Variants in NAV3 observed in about 807,000 individuals in gnomAD.
The protein encoded by NAV3 is neuron navigator 3, also known as pore membrane and/or filament interacting like protein 1.
NAV3 carries 87 observed loss-of-function variants against 244.7 expected under a neutral mutation model. That is an observed-to-expected ratio of 0.36 (90% CI 0.30 to 0.42). The LOEUF is 0.42. NAV3 is among the 20% of genes least tolerant of loss of function. The pLI is 1.00. For synonymous variants in NAV3, 1,126 were observed against 1,042.2 expected (o/e 1.08, Z -1.55); for missense variants, 2,663 against 2,893.3 (o/e 0.92, Z 1.83).
chr12:77,849,618 A>G (rs916819897), intron 1 of NAV3, among the ~76,000 whole-genome samples: 1 of 152,202 alleles, frequency 6.6e-6, no homozygotes, highest in African/African-American at 2.4e-5. Flanking sequence ...TTTCTTGTTT[A>G]GACTTAGTTT....
At chr12:78,107,989 T>A (rs74632676) in intron 12 of NAV3, among the ~76,000 whole-genome samples, 1 of 152,082 alleles carries the variant, frequency 6.6e-6, no homozygotes, top group South Asian at 2.1e-4. Context: ...TGTAAATGAA[T>A]TACATTCTCC....
In NAV3 at chr12:78,200,465, C is replaced by T. The variant is rs1959532508; in HGVS notation, c.6716-8C>T. 1.3e-6 allele frequency: 2 copies of T among 1,491,570 alleles called. No individual in the cohort carries two copies. The highest frequency in any genetic ancestry group is 1.3e-5 in the South Asian group (1 of 78,020). The allele number at this position is 1,491,570 out of a possible 1,614,324, so 92.4% of individuals were successfully genotyped here. A position where few individuals can be genotyped will look rare whatever the true frequency, so the allele number is the denominator to read the frequency against. On this transcript the variant is annotated splice_region_variant and splice_polypyrimidine_tract_variant and intron_variant, in intron 37 of 39. Coordinates refer to ENST00000397909, the MANE Select transcript of NAV3 (RefSeq NM_001024383.2). ...TCTTAAAATATTTTGTTATTTATTT[C>T]TTATCAGGTCCCCGACTATTCCTTC...
At chr12:78,130,927 G>C (rs1370562909) in intron 18 of NAV3, 1 of 178,194 alleles carries the variant, frequency 5.6e-6, no homozygotes, top group Non-Finnish European at 1.2e-5. Context: ...CAGCATCAGT[G>C]CCAAGGCAGC....
intron 35 of NAV3, among the ~76,000 whole-genome samples, chr12:78,198,115 A>G (rs569258448): frequency 1.3e-5 from 2 of 152,022 alleles, no homozygotes; most frequent in South Asian, 4.1e-4. Context: ...TAAAATAAAT[A>G]GTTTTAATAG....
chr12:78,199,236 G>A (rs747845220), intron 36 of NAV3, 99 bp from the exon 37 acceptor site: 10 of 980,654 alleles, frequency 1.0e-5, no homozygotes, highest in Admixed American at 2.3e-5. Flanking sequence ...ACTTTCTATT[G>A]GAAAGTAATA....
At chr12:77,798,088 G>C (rs935792020) in intron 2 of NAV3, among the ~76,000 whole-genome samples, 3 of 150,942 alleles carry the variant, frequency 2.0e-5, no homozygotes, top group Non-Finnish European at 4.4e-5. Context: ...CTTGAACCGG[G>C]GATGTGGAGG....
At chr12:77,602,875 AAAGACC>A (rs1870501630) in intron 2 of NAV3, among the ~76,000 whole-genome samples, 1 of 152,004 alleles carries the variant, frequency 6.6e-6, no homozygotes, top group Admixed American at 6.6e-5. Context: ...CATGGGAATC[AAAGACC>A]CCATGCAACA....
At chr12:77,690,645 A>G (rs1007430105) in intron 2 of NAV3, among the ~76,000 whole-genome samples, 3 of 150,632 alleles carry the variant, frequency 2.0e-5, no homozygotes, top group Admixed American at 2.0e-4. Flanking sequence ...TCATATAATA[A>G]GATCATAGGA....
chr12:78,143,359 G>A (rs767873023), intron 20 of NAV3: 5 of 366,702 alleles, frequency 1.4e-5, no homozygotes, highest in African/African-American at 3.8e-5. Flanking sequence ...GGCCAAGCGC[G>A]GTGGCTCATG....
At chr12:77,767,596 A>G (rs1048204461) in intron 2 of NAV3, among the ~76,000 whole-genome samples, 1 of 152,328 alleles carries the variant, frequency 6.6e-6, no homozygotes, top group Admixed American at 6.5e-5. Flanking sequence ...TGGGGCGGGC[A>G]GCTCCAGGTG....
chr12:78,068,321 T>A (rs933705516), intron 12 of NAV3, among the ~76,000 whole-genome samples: 6 of 151,638 alleles, frequency 4.0e-5, no homozygotes, highest in Non-Finnish European at 8.8e-5. Flanking sequence ...AGATAAAGGT[T>A]TTTATCATGC....
At chr12:77,594,110 A>T (rs1478084523) in intron 2 of NAV3, among the ~76,000 whole-genome samples, 1 of 152,228 alleles carries the variant, frequency 6.6e-6, no homozygotes, top group Non-Finnish European at 1.5e-5. Flanking sequence ...ACAACAACAA[A>T]AAACCCTAAT....
chr12:77,641,218 GT>G (rs1281553130), intron 2 of NAV3, among the ~76,000 whole-genome samples: 2 of 151,988 alleles, frequency 1.3e-5, no homozygotes, highest in Non-Finnish European at 2.9e-5. Flanking sequence ...TGAGTATCAA[GT>G]TGCCACCATC....
chr12:77,895,888 CAG>C (rs934602504), intron 1 of NAV3, among the ~76,000 whole-genome samples: 2 of 141,364 alleles, frequency 1.4e-5, no homozygotes, highest in Admixed American at 1.5e-4. Flanking sequence ...TAACCACTGA[CAG>C]GGGGATCTAA....
intron 12 of NAV3, among the ~76,000 whole-genome samples, chr12:78,093,741 C>A (rs918915311): frequency 2.0e-5 from 3 of 152,034 alleles, no homozygotes; most frequent in Non-Finnish European, 4.4e-5. Flanking sequence ...TTTCTTACCC[C>A]AAATCATCTT....
chr12:77,755,560 T>C (rs1688237849), intron 2 of NAV3, among the ~76,000 whole-genome samples: 1 of 68,284 alleles, frequency 1.5e-5, no homozygotes. Flanking sequence ...TTCCTTTCCT[T>C]TCCTTTCCTT....
At chr12:78,162,084 G>T (rs393082) in intron 23 of NAV3, among the ~76,000 whole-genome samples, 1 of 152,098 alleles carries the variant, frequency 6.6e-6, no homozygotes, top group Non-Finnish European at 1.5e-5. Context: ...TATTGCCAAG[G>T]TTTTTAAATT....
chr12:78,020,172 T>G (rs1053113893), intron 8 of NAV3, among the ~76,000 whole-genome samples: 1 of 152,094 alleles, frequency 6.6e-6, no homozygotes, highest in Non-Finnish European at 1.5e-5. Context: ...TTAATGATTA[T>G]GTAGAGGAAA....
At chr12:77,833,841 G>A (rs187832311) in intron 1 of NAV3, among the ~76,000 whole-genome samples, 2 of 152,246 alleles carry the variant, frequency 1.3e-5, no homozygotes, top group Admixed American at 1.3e-4. Flanking sequence ...GGGCCGCCCA[G>A]CAGCCAGACT....
Sources: gnomAD v4.1 joint callset for allele counts (sites outside exome capture counted in the v4.1 genomes callset) on GRCh38, gnomAD v4.1.1 for gene constraint, MANE v1.5 for transcripts, NCBI Gene and HGNC (gene_info 2026-07-23, HGNC 2026-07-21) for gene names.